Variants in FAM171A1 observed in about 807,000 individuals in gnomAD.
The protein encoded by FAM171A1 is family with sequence similarity 171 member A1.
In FAM171A1, 23 loss-of-function variants were observed where a neutral mutation model predicts 74.9. The observed-to-expected ratio is 0.31, with a 90% CI of 0.22 to 0.44. FAM171A1 has a LOEUF of 0.44. FAM171A1 is among the 20% of genes least tolerant of loss of function. The pLI, the probability that FAM171A1 is intolerant of heterozygous loss-of-function variation, is 1.00. For missense variants in FAM171A1, 1,162 were observed against 1,159.2 expected (o/e 1.00, Z -0.03); for synonymous variants, 527 against 505.7 (o/e 1.04, Z -0.57).
rs367868944 is a variant in FAM171A1 at position 15,343,722 on chromosome 10, C to T, written c.97+27234G>A. Among the ~76,000 whole-genome samples the T allele has an allele frequency of 1.0e-3, 158 of 152,166 alleles. 2 individuals carry two copies. The Middle Eastern group carries it at 0.014, about 13-fold the overall frequency. On this transcript the variant is annotated intron_variant, in intron 1 of 7. Transcript: ENST00000378116. ...CCGGTGGTCAGGAGAGAGGTCTGGA[C>T]GGGGGACAGCCTTGGGCATCCGTCC...
chr10:15,272,353 T>C (rs1207394704), intron 3 of FAM171A1, among the ~76,000 whole-genome samples: 2 of 152,172 alleles, frequency 1.3e-5, no homozygotes, highest in Non-Finnish European at 2.9e-5. Flanking sequence ...CTGTCCTAAA[T>C]ATATATGCAC....
chr10:15,294,162 T>G (rs1835134187), intron 1 of FAM171A1, among the ~76,000 whole-genome samples: 1 of 152,220 alleles, frequency 6.6e-6, no homozygotes, highest in African/African-American at 2.4e-5. Flanking sequence ...AAGTTCTGTG[T>G]GCTACCCAAA....
intron 3 of FAM171A1, among the ~76,000 whole-genome samples, chr10:15,266,133 A>T (rs569219125): frequency 6.6e-6 from 1 of 152,150 alleles, no homozygotes; most frequent in Admixed American, 6.5e-5. Context: ...CTGCTTCTGC[A>T]TCCTTTCTGT....
intron 1 of FAM171A1, among the ~76,000 whole-genome samples, chr10:15,349,476 G>A (rs899466905): frequency 6.6e-6 from 1 of 152,048 alleles, no homozygotes; most frequent in African/African-American, 2.4e-5. Flanking sequence ...TCCTGTAAAG[G>A]CCAGAATATT....
intron 1 of FAM171A1, among the ~76,000 whole-genome samples, chr10:15,353,505 G>A (rs1457176047): frequency 6.6e-6 from 1 of 152,138 alleles, no homozygotes; most frequent in Non-Finnish European, 1.5e-5. Context: ...GCTCTACACT[G>A]AGGAATCAGA....
chr10:15,320,478 T>A (rs1835474075), intron 1 of FAM171A1, among the ~76,000 whole-genome samples: 1 of 152,238 alleles, frequency 6.6e-6, no homozygotes. Context: ...TTCCTTTAGG[T>A]ATAAATGTAA....
intron 1 of FAM171A1, among the ~76,000 whole-genome samples, chr10:15,348,398 A>G (rs1480181322): frequency 6.6e-6 from 1 of 152,134 alleles, no homozygotes; most frequent in Non-Finnish European, 1.5e-5. Flanking sequence ...TCAGCCTCCC[A>G]AAGTGCTGGG....
chr10:15,309,942 T>A (rs1029957120), intron 1 of FAM171A1, among the ~76,000 whole-genome samples: 2 of 152,214 alleles, frequency 1.3e-5, no homozygotes, highest in Non-Finnish European at 2.9e-5. Context: ...TATGTTTAAT[T>A]TCTAACCTCT....
rs764195006 is a variant in FAM171A1, at chr10:15,214,128, C to T, written c.1460G>A (p.Gly487Asp). ...YESSGNDDYR[G>D]SYNTVLSQPL... ...CTGTGAGAGCACGGTGTTGTAACTA[C>T]CCCTGTAGTCATCATTGCCCGAGGA... The change falls in exon 8 of 8, where the codon GGT becomes GAT. Residue 487 changes from glycine (G) to aspartate (D), a missense_variant. Transcript: ENST00000378116. 4 of 1,614,032 alleles carry T rather than the reference C, an allele frequency of 2.5e-6. No homozygotes were observed. The South Asian group carries it at 3.3e-5, about 13-fold the overall frequency.
chr10:15,284,189 GAA>G, intron 1 of FAM171A1, 84 bp from the exon 2 acceptor site: 1 of 1,263,198 alleles, frequency 7.9e-7, no homozygotes, highest in South Asian at 1.3e-5. Flanking sequence ...ATGGGAAGTG[GAA>G]GGAGGGCTCT....
chr10:15,349,598 T>C (rs897675935), intron 1 of FAM171A1, among the ~76,000 whole-genome samples: 5 of 152,124 alleles, frequency 3.3e-5, no homozygotes, highest in African/African-American at 1.2e-4. Context: ...CACCAGGAAG[T>C]AAATCACTCC....
At chr10:15,355,823 T>C (rs192668848) in intron 1 of FAM171A1, among the ~76,000 whole-genome samples, 10 of 152,156 alleles carry the variant, frequency 6.6e-5, no homozygotes, top group Admixed American at 4.6e-4. Flanking sequence ...AATATTAAAC[T>C]CCAAAAGCGT....
rs538803294 is a variant in FAM171A1 at position 15,363,268 on chromosome 10, T to C, written c.97+7688A>G. Among the ~76,000 whole-genome samples the C allele has an allele frequency of 5.3e-5, 8 of 152,358 alleles. No individual in the cohort carries two copies. The South Asian group carries it at 1.7e-3, about 32-fold the overall frequency. On this transcript the variant is annotated intron_variant, in intron 1 of 7. Transcript: ENST00000378116. ...GCAAAAGGGACATACTTCGCATTAT[T>C]CTGCAGGACAGGAATGTGAATTAAA...
intron 1 of FAM171A1, among the ~76,000 whole-genome samples, chr10:15,294,217 G>A (rs1288397647): frequency 6.6e-6 from 1 of 152,198 alleles, no homozygotes; most frequent in Non-Finnish European, 1.5e-5. Context: ...TAGATGGGCA[G>A]TGCTGCTTGC....
intron 1 of FAM171A1, among the ~76,000 whole-genome samples, chr10:15,321,105 T>C (rs190319373): frequency 3.5e-4 from 54 of 152,322 alleles, no homozygotes; most frequent in Non-Finnish European, 6.9e-4. Flanking sequence ...AATATCCTTA[T>C]ATGTTCAAGT....
intron 5 of FAM171A1, among the ~76,000 whole-genome samples, chr10:15,229,602 A>C (rs1281673439): frequency 2.3e-5 from 3 of 128,670 alleles, no homozygotes; most frequent in Non-Finnish European, 5.1e-5. Flanking sequence ...CATCATCACC[A>C]TCACCATCAT....
chr10:15,260,436 T>C (rs543153789), intron 3 of FAM171A1, among the ~76,000 whole-genome samples: 1 of 152,228 alleles, frequency 6.6e-6, no homozygotes, highest in Non-Finnish European at 1.5e-5. Context: ...TCAGGTTATC[T>C]TTAAAATGGG....
chr10:15,263,776 TATCTATCTATC>T (rs1203269802), intron 3 of FAM171A1, among the ~76,000 whole-genome samples: 2 of 151,484 alleles, frequency 1.3e-5, no homozygotes, highest in African/African-American at 2.4e-5. Flanking sequence ...TCTATCTATC[TATCTATCTATC>T]ATCTATCCAT....
chr10:15,214,364 C>T lies in FAM171A1; in HGVS notation c.1224G>A (p.Gly408=). ...HLEMMSPGGE[G]DLHTPMLKLS... ...GCTTGAGCATGGGGGTGTGCAGGTC[C>T]CCTTCGCCGCCCGGAGACATCATTT... is the stretch of plus-strand genomic sequence containing the variant. The change falls in exon 8 of 8, where the codon GGG becomes GGA. Residue 408 remains glycine (G), a synonymous_variant. Coordinates refer to ENST00000378116, the MANE Select transcript of FAM171A1 (RefSeq NM_001010924.2). 1.2e-6 allele frequency: 2 copies of T among 1,612,850 alleles called. No individual in the cohort carries two copies. Among genetic ancestry groups the T allele is most frequent in the Non-Finnish European group, 8.5e-7 (1 of 1,179,304 alleles).
Sources: gnomAD v4.1 joint callset for allele counts (sites outside exome capture counted in the v4.1 genomes callset) on GRCh38, gnomAD v4.1.1 for gene constraint, MANE v1.5 for transcripts, NCBI Gene and HGNC (gene_info 2026-07-23, HGNC 2026-07-21) for gene names.